The following PDE4D variants were observed in gnomAD, a reference collection of about 807,000 sequenced individuals.
PDE4D encodes phosphodiesterase 4D, also known as 3',5'-cyclic-AMP phosphodiesterase 4D.
A neutral mutation model predicts 87.4 loss-of-function variants in PDE4D; 24 were observed. That is an observed-to-expected ratio of 0.27 (90% CI 0.20 to 0.39). The LOEUF is 0.39. PDE4D is among the 10% of genes least tolerant of loss of function. The pLI, the probability that PDE4D is intolerant of heterozygous loss-of-function variation, is 1.00. For missense variants in PDE4D, 714 were observed against 1,041.0 expected (o/e 0.69, Z 4.32); for synonymous variants, 384 against 383.2 (o/e 1.00, Z -0.02).
chr5:59,620,434 A>T (rs937063399), intron 1 of PDE4D, among the ~76,000 whole-genome samples: 19 of 152,188 alleles, frequency 1.2e-4, no homozygotes, highest in African/African-American at 4.6e-4. Context: ...GGAGCTAGAA[A>T]GAAAGAAAAC....
At chr5:60,096,436 G>GT (rs1582632032) in intron 2 of PDE4D, among the ~76,000 whole-genome samples, 1 of 152,008 alleles carries the variant, frequency 6.6e-6, no homozygotes, top group African/African-American at 2.4e-5. Context: ...GTTTAATTAA[G>GT]TTTTTTTCAC....
chr5:60,521,344 C>T (rs1751031167), intron 1 of PDE4D: 1 of 152,214 alleles, frequency 6.6e-6, no homozygotes, highest in African/African-American at 2.4e-5. Flanking sequence ...ATTTAGTTAA[C>T]ATTTTCTATT....
chr5:59,513,855 A>T (rs1259653358), intron 1 of PDE4D, among the ~76,000 whole-genome samples: 1 of 152,200 alleles, frequency 6.6e-6, no homozygotes, highest in Non-Finnish European at 1.5e-5. Context: ...CGCTGTAAAG[A>T]TACAGGTTTA....
chr5:59,711,220 G>A (rs1218465027), intron 1 of PDE4D, among the ~76,000 whole-genome samples: 1 of 152,002 alleles, frequency 6.6e-6, no homozygotes, highest in Admixed American at 6.6e-5. Context: ...AAAATTTTCT[G>A]CAAGCTGACA....
intron 2 of PDE4D, among the ~76,000 whole-genome samples, chr5:60,081,738 G>C (rs1379688514): frequency 1.3e-5 from 2 of 151,956 alleles, no homozygotes; most frequent in African/African-American, 4.8e-5. Flanking sequence ...TTCTCTGCTT[G>C]AAAATTCTTT....
intron 5 of PDE4D, among the ~76,000 whole-genome samples, chr5:59,075,846 A>AT (rs145197136): frequency 6.6e-6 from 1 of 151,808 alleles, no homozygotes; most frequent in East Asian, 1.9e-4. Flanking sequence ...ATAAATATCC[A>AT]TTTTTTTTAA....
chr5:59,749,369 T>C (rs1760095766), intron 1 of PDE4D, among the ~76,000 whole-genome samples: 1 of 152,138 alleles, frequency 6.6e-6, no homozygotes, highest in Non-Finnish European at 1.5e-5. Flanking sequence ...CAAGTGATGA[T>C]TCTCCTGCCT....
chr5:59,710,236 A>T (rs1313743518), intron 1 of PDE4D, among the ~76,000 whole-genome samples: 1 of 152,192 alleles, frequency 6.6e-6, no homozygotes, highest in East Asian at 1.9e-4. Flanking sequence ...GCTGAGTTTT[A>T]TACATGAAAG....
At chr5:60,183,561 G>T (rs1420927013) in intron 2 of PDE4D, among the ~76,000 whole-genome samples, 1 of 152,152 alleles carries the variant, frequency 6.6e-6, no homozygotes, top group East Asian at 1.9e-4. Flanking sequence ...TACCTCTTTT[G>T]TATGCCTTAA....
rs576820293 is a variant in PDE4D, at chr5:59,231,813, C to A, written c.456-15845G>T. On this transcript the variant is annotated intron_variant, in intron 1 of 14. Transcript: ENST00000340635. ...TTTTTTGTTTTGTTCCCTTGATCTT[C>A]CTCGGTTAACAGATATTTTCATTAT... is the stretch of plus-strand genomic sequence containing the variant. 2.0e-5 allele frequency among the ~76,000 whole-genome samples: 3 copies of A among 152,252 alleles called. 1 individual carries two copies. The South Asian group carries it at 6.2e-4, about 32-fold the overall frequency.
chr5:59,516,765 A>G (rs1042571028), intron 1 of PDE4D, among the ~76,000 whole-genome samples: 7 of 152,202 alleles, frequency 4.6e-5, no homozygotes, highest in African/African-American at 1.7e-4. Flanking sequence ...TAAGGCTTAA[A>G]TGTATTATCA....
At chr5:59,558,810 T>G (rs2153690735) in intron 1 of PDE4D, 1 of 152,274 alleles carries the variant, frequency 6.6e-6, no homozygotes, top group South Asian at 2.1e-4. Flanking sequence ...TCAGGAAAAC[T>G]TAAGGAAACT....
At chr5:59,104,717 A>G (rs539760340) in intron 5 of PDE4D, among the ~76,000 whole-genome samples, 1 of 152,212 alleles carries the variant, frequency 6.6e-6, no homozygotes, top group South Asian at 2.1e-4. Context: ...AGAAGGAACA[A>G]AGGAAAGAGG....
chr5:59,856,581 G>A (rs540843447), intron 1 of PDE4D, among the ~76,000 whole-genome samples: 3 of 152,202 alleles, frequency 2.0e-5, no homozygotes, highest in African/African-American at 4.8e-5. Flanking sequence ...TTACCGACAC[G>A]GCATCTGCTC....
intron 1 of PDE4D, among the ~76,000 whole-genome samples, chr5:60,198,195 A>C (rs1741495443): frequency 6.6e-6 from 1 of 151,502 alleles, no homozygotes; most frequent in South Asian, 2.1e-4. Context: ...TTTTTCTTTC[A>C]TATTCAGTGT....
chr5:60,258,871 A>C (rs761191625), intron 1 of PDE4D, among the ~76,000 whole-genome samples: 2 of 152,014 alleles, frequency 1.3e-5, no homozygotes, highest in Non-Finnish European at 2.9e-5. Context: ...AATGAAAAAA[A>C]TCAGGACACA....
chr5:60,473,428 T>A (rs1056188311), intron 1 of PDE4D, among the ~76,000 whole-genome samples: 1 of 152,168 alleles, frequency 6.6e-6, no homozygotes, highest in African/African-American at 2.4e-5. Flanking sequence ...TGCAACTTAC[T>A]TTCAAATGGT....
chr5:59,496,613 T>A (rs1361964477), intron 1 of PDE4D, among the ~76,000 whole-genome samples: 1 of 152,108 alleles, frequency 6.6e-6, no homozygotes, highest in South Asian at 2.1e-4. Context: ...CTCGGTTCAG[T>A]CGGCCCCTAA....
rs116675803 is a variant in PDE4D, at chr5:59,753,287, G to A, written c.455+139881C>T. The stretch of plus-strand genomic sequence containing the variant: ...TAAAATACCTGGTGGTATTGGGAGG[G>A]AACAGAACAGCAAGAGATAATAGGT... On this transcript the variant is annotated intron_variant, in intron 1 of 14. Coordinates refer to ENST00000340635, the MANE Select transcript of PDE4D (RefSeq NM_001104631.2). Among the ~76,000 whole-genome samples the A allele has an allele frequency of 2.0e-3, 297 of 152,214 alleles. 1 individual carries two copies. Among genetic ancestry groups the A allele is most frequent in the Non-Finnish European group, 3.8e-3 (257 of 68,002 alleles).
Sources: allele counts gnomAD v4.1 joint callset (sites outside exome capture counted in the v4.1 genomes callset), GRCh38; gene constraint gnomAD v4.1.1; transcripts MANE v1.5; gene names NCBI Gene and HGNC (gene_info 2026-07-23, HGNC 2026-07-21).